The following ANO4 variants were observed in gnomAD, a reference collection of about 807,000 sequenced individuals.
ANO4 encodes the protein anoctamin-4.
ANO4 carries 69 observed loss-of-function variants against 141.9 expected under a neutral mutation model. The observed-to-expected ratio is 0.49, with a 90% CI of 0.40 to 0.59. ANO4 has a LOEUF of 0.59. Among genes scored for constraint, ANO4 ranks in the 20% least tolerant of loss-of-function variants. The probability of loss-of-function intolerance (pLI) is 0.00; values close to 1 mark genes in which losing one functional copy is unlikely to be tolerated. For synonymous variants in ANO4, 350 were observed against 394.3 expected (o/e 0.89, Z 1.33); for missense variants, 894 against 1,162.2 (o/e 0.77, Z 3.36).
rs1333095186 is a variant in ANO4, at chr12:100,901,643, C to CAGGTTTA, written c.-140_-134dup. 3 of 786,474 alleles carry CAGGTTTA rather than the reference C, an allele frequency of 3.8e-6. No individual in the cohort carries two copies. Among genetic ancestry groups the CAGGTTTA allele is most frequent in the Non-Finnish European group, 7.0e-6 (3 of 431,366 alleles). The allele number at this position is 786,474 out of a possible 1,614,324, so 48.7% of individuals were successfully genotyped here. A position where few individuals can be genotyped will look rare whatever the true frequency, so the allele number is the denominator to read the frequency against. ...AGTCTAATGGTGCCATTTCTCATTC[C>CAGGTTTA]AGGTTTAAGTTTATCTATTCATGGG... On this transcript the variant is annotated splice_polypyrimidine_tract_variant and splice_region_variant and intron_variant, in intron 1 of 27. Coordinates refer to ENST00000392977, the MANE Select transcript of ANO4 (RefSeq NM_001286615.2).
upstream of ANO4, among the ~76,000 whole-genome samples, chr12:100,790,820 A>G (rs755193450): frequency 6.6e-6 from 1 of 152,184 alleles, no homozygotes; most frequent in Non-Finnish European, 1.5e-5. Context: ...ACTATTTGGA[A>G]TGGTTGTTGC....
At chr12:100,838,048 G>T (rs2037036101) in intron 1 of ANO4, among the ~76,000 whole-genome samples, 1 of 151,954 alleles carries the variant, frequency 6.6e-6, no homozygotes, top group African/African-American at 2.4e-5. Flanking sequence ...GCCATGGTAG[G>T]GGGCATAGTG....
chr12:101,057,521 A>G (rs2048172170), intron 14 of ANO4, among the ~76,000 whole-genome samples: 1 of 152,176 alleles, frequency 6.6e-6, no homozygotes, highest in South Asian at 2.1e-4. Context: ...CCTCTCCAGC[A>G]TCTGTTGTTT....
rs151325898 is a variant in ANO4 at position 100,806,481 on chromosome 12, T to C, written c.-141+11454T>C. On this transcript the variant is annotated intron_variant, in intron 1 of 27. Coordinates refer to ENST00000392977, the MANE Select transcript of ANO4 (RefSeq NM_001286615.2). ...CCCTTTGCAGGCCCACTTTCAACTATTGAGTTTTGATTTTGATTTTTAGGA... is the reference window on the plus strand; with the variant it reads ...CCCTTTGCAGGCCCACTTTCAACTACTGAGTTTTGATTTTGATTTTTAGGA... 7.8e-4 allele frequency among the ~76,000 whole-genome samples: 118 copies of C among 150,772 alleles called. 2 individuals are homozygous for C. The highest frequency in any genetic ancestry group is 5.2e-3 in the South Asian group (25 of 4,764).
At chr12:101,022,889 G>A (rs1267676131) in intron 9 of ANO4, among the ~76,000 whole-genome samples, 3 of 152,096 alleles carry the variant, frequency 2.0e-5, no homozygotes, top group Non-Finnish European at 4.4e-5. Flanking sequence ...ACAGGTGCCC[G>A]CCACCATGCC....
At chr12:100,996,575 C>G (rs2045380976) in intron 8 of ANO4, among the ~76,000 whole-genome samples, 1 of 152,126 alleles carries the variant, frequency 6.6e-6, no homozygotes, top group Non-Finnish European at 1.5e-5. Context: ...ATCCCAGCTA[C>G]TCGGGAAGCT....
chr12:100,748,170 T>C (rs1328172001), intron 3 of ANO4, among the ~76,000 whole-genome samples: 1 of 152,102 alleles, frequency 6.6e-6, no homozygotes, highest in African/African-American at 2.4e-5. Flanking sequence ...TTGCCTGGGG[T>C]ATAGAATACC....
At chr12:100,772,831 G>A (rs2033354343) in intron 3 of ANO4, among the ~76,000 whole-genome samples, 2 of 152,150 alleles carry the variant, frequency 1.3e-5, no homozygotes, top group South Asian at 4.2e-4. Context: ...TTTATGATGT[G>A]TAAGGAAGAT....
chr12:100,870,180 A>G lies in ANO4; in HGVS notation c.-140-31466A>G, dbSNP rs377629959. ...ATAACTGTGGAAAGGGTTGCTGGAA[A>G]GAAGCTGGGATCCTAAGTTAAGCAA... is the stretch of plus-strand genomic sequence containing the variant. On this transcript the variant is annotated intron_variant, in intron 1 of 27. Coordinates refer to ENST00000392977, the MANE Select transcript of ANO4 (RefSeq NM_001286615.2). 9.7e-4 allele frequency among the ~76,000 whole-genome samples: 147 copies of G among 152,328 alleles called. 2 individuals are homozygous for G. In the South Asian group the frequency reaches 0.023, roughly 24 times the overall value.
intron 5 of ANO4, among the ~76,000 whole-genome samples, chr12:100,970,659 C>T (rs1433314566): frequency 2.6e-5 from 3 of 113,638 alleles, no homozygotes; most frequent in Non-Finnish European, 6.0e-5. Flanking sequence ...CTCCCTCCCT[C>T]CCTCTCCTTC....
At position 100,867,504 on chromosome 12, in the gene ANO4, T is replaced by C. The variant is rs2038807819; in HGVS notation, c.-140-34142T>C. Among the ~76,000 whole-genome samples the C allele has an allele frequency of 2.0e-5, 3 of 152,080 alleles. No individual in the cohort carries two copies. The South Asian group carries it at 6.2e-4, about 32-fold the overall frequency. On this transcript the variant is annotated intron_variant, in intron 1 of 27. Coordinates refer to ENST00000392977, the MANE Select transcript of ANO4 (RefSeq NM_001286615.2). ...TATTCAGTCCCTTTGGTCTATTCAG[T>C]GTTTCAGTGGGTTAAAGAAGGCCTG...
At chr12:101,073,449 C>T (rs1325830480) in intron 14 of ANO4, among the ~76,000 whole-genome samples, 1 of 151,834 alleles carries the variant, frequency 6.6e-6, no homozygotes, top group Non-Finnish European at 1.5e-5. Flanking sequence ...AGAGGGATAG[C>T]GTTAGGAGAA....
At chr12:100,863,180 G>C (rs1194848689) in intron 1 of ANO4, among the ~76,000 whole-genome samples, 2 of 152,132 alleles carry the variant, frequency 1.3e-5, no homozygotes, top group East Asian at 3.9e-4. Flanking sequence ...GAGCAGGATG[G>C]GCTGAAGTGG....
intron 7 of ANO4, among the ~76,000 whole-genome samples, chr12:100,975,998 G>A (rs1325784526): frequency 5.5e-5 from 8 of 145,436 alleles, no homozygotes; most frequent in African/African-American, 1.0e-4. Flanking sequence ...TGTATCCTCC[G>A]AAAGCTTGTT....
chr12:100,739,975 T>C, exon 3 of ANO4: 1 of 702,566 alleles, frequency 1.4e-6, no homozygotes. Context: ...CAGGCATCCC[T>C]GTGTACCACC....
intron 3 of ANO4, among the ~76,000 whole-genome samples, chr12:100,923,424 A>G (rs546071197): frequency 6.6e-4 from 101 of 151,966 alleles, no homozygotes; most frequent in Non-Finnish European, 1.1e-3. Flanking sequence ...GCTGAGAGTG[A>G]TGGTTTCCAG....
chr12:100,845,956 C>T (rs1214416349), intron 1 of ANO4, among the ~76,000 whole-genome samples: 1 of 152,176 alleles, frequency 6.6e-6, no homozygotes, highest in Non-Finnish European at 1.5e-5. Flanking sequence ...AACCTAGGAA[C>T]CAGAGCTTTG....
At chr12:100,748,166 G>A (rs1324980358) in intron 3 of ANO4, among the ~76,000 whole-genome samples, 1 of 152,124 alleles carries the variant, frequency 6.6e-6, no homozygotes, top group African/African-American at 2.4e-5. Context: ...GAATTTGCCT[G>A]GGGTATAGAA....
chr12:100,733,330 G>A (rs1022466935), intron 1 of ANO4, among the ~76,000 whole-genome samples: 6 of 152,068 alleles, frequency 3.9e-5, no homozygotes, highest in South Asian at 2.1e-4. Flanking sequence ...TGCCTGCATC[G>A]TTTCCCTCAA....
Sources: gnomAD v4.1 joint callset for allele counts (sites outside exome capture counted in the v4.1 genomes callset) on GRCh38, gnomAD v4.1.1 for gene constraint, MANE v1.5 for transcripts, NCBI Gene and HGNC (gene_info 2026-07-23, HGNC 2026-07-21) for gene names.